The following RCL1 variants were observed in gnomAD, a reference collection of about 807,000 sequenced individuals.
RCL1 encodes the protein RNA 3'-terminal phosphate cyclase-like protein.
A neutral mutation model predicts 42.4 loss-of-function variants in RCL1; 24 were observed. The ratio of observed to expected loss-of-function variants is 0.57; its 90% CI spans 0.41 to 0.80. RCL1 has a LOEUF of 0.80. RCL1 is among the 30% of genes least tolerant of loss of function. The pLI, the probability that RCL1 is intolerant of heterozygous loss-of-function variation, is 0.00. For missense variants in RCL1, 578 were observed against 467.9 expected (o/e 1.24, Z -2.17); for synonymous variants, 228 against 177.3 (o/e 1.29, Z -2.27).
In RCL1 at chr9:4,834,191, A is replaced by T. The variant is rs747774431; in HGVS notation, c.510A>T (p.Ser170=). Residue 170 remains serine (S), a synonymous_variant, in exon 5 of 9, where the codon TCA becomes TCT. Transcript: ENST00000381750. ...PPGGGGEVVF[S]CPVRKVLKPI... The stretch of plus-strand genomic sequence containing the variant: ...GAGGAGGAGGCGAAGTGGTTTTCTC[A>T]TGTCCTGTGAGGAAGGTCTTGAAGC... 1 of 1,613,588 alleles carries T rather than the reference A, an allele frequency of 6.2e-7. No individual in the cohort carries two copies. Among genetic ancestry groups the T allele is most frequent in the Non-Finnish European group, 8.5e-7 (1 of 1,179,644 alleles).
At chr9:4,839,923 C>G in intron 5 of RCL1, 1 of 985,192 alleles carries the variant, frequency 1.0e-6, no homozygotes. Flanking sequence ...AGATTGGGAC[C>G]TCGGGCTGGG....
At chr9:4,835,575 A>T (rs1043624974) in intron 5 of RCL1, among the ~76,000 whole-genome samples, 12 of 152,372 alleles carry the variant, frequency 7.9e-5, no homozygotes, top group African/African-American at 2.9e-4. Flanking sequence ...TGATGAAGCG[A>T]GAGTCAGGGA....
intron 7 of RCL1, among the ~76,000 whole-genome samples, chr9:4,847,930 C>G (rs1335853992): frequency 6.6e-6 from 1 of 152,238 alleles, no homozygotes. Context: ...GTCCTGAGTC[C>G]TAAAGCCCTC....
Position 4,841,349 on chromosome 9 carries a change from C to A in RCL1, c.702C>A (p.Asn234Lys). The change falls in exon 6 of 9, where the codon AAC (asparagine) becomes AAA (lysine). Residue 234 changes from asparagine (N) to lysine (K), a missense_variant. Asn to Lys is a moderately conservative substitution (Grantham distance 94). Coordinates refer to ENST00000381750, the MANE Select transcript of RCL1 (RefSeq NM_005772.5). ...YIYTDHMKGV[N>K]SGKSPGFGLS... ...ACACAGATCACATGAAAGGAGTCAACTCTGGGAAGTAAGTATCTGTGTTTT... is the reference window on the plus strand; with the variant it reads ...ACACAGATCACATGAAAGGAGTCAAATCTGGGAAGTAAGTATCTGTGTTTT... 6.2e-7 allele frequency: 1 copy of A among 1,611,350 alleles called. No homozygotes were observed. Among genetic ancestry groups the A allele is most frequent in the Non-Finnish European group, 8.5e-7 (1 of 1,177,622 alleles).
chr9:4,798,132 G>A (rs1001151174), intron 1 of RCL1, among the ~76,000 whole-genome samples: 2 of 152,184 alleles, frequency 1.3e-5, no homozygotes, highest in Non-Finnish European at 2.9e-5. Context: ...GCCAGCTCCT[G>A]CCTGAAGGAC....
intron 1 of RCL1, 83 bp downstream of exon 1, chr9:4,793,310 T>A (rs1842861424): frequency 2.2e-5 from 31 of 1,392,716 alleles, no homozygotes; most frequent in Non-Finnish European, 2.9e-5. Flanking sequence ...CGCGCGGTGT[T>A]GGTTGGGCGG....
intron 1 of RCL1, among the ~76,000 whole-genome samples, chr9:4,797,823 A>T (rs1362803239): frequency 2.0e-5 from 3 of 152,160 alleles, no homozygotes; most frequent in Non-Finnish European, 4.4e-5. Flanking sequence ...AATCTCTTAA[A>T]ACTGTCCCCT....
chr9:4,824,448 T>G (rs1816692812), intron 2 of RCL1, among the ~76,000 whole-genome samples: 1 of 150,716 alleles, frequency 6.6e-6, no homozygotes, highest in Admixed American at 6.7e-5. Flanking sequence ...CAGGTCTTCC[T>G]TAATATTTCT....
At chr9:4,836,240 G>A (rs867901331) in intron 5 of RCL1, among the ~76,000 whole-genome samples, 7 of 152,176 alleles carry the variant, frequency 4.6e-5, no homozygotes, top group Admixed American at 2.0e-4. Context: ...AGTAGAGAAC[G>A]TGGGAGGACC....
rs1361462533 is a variant in RCL1 at position 4,793,052 on chromosome 9, C to T, written c.-40C>T. The stretch of plus-strand genomic sequence containing the variant: ...CGAGTCCCGCGTCTGTCCGAAGTCG[C>T]CGCTCTCGGGCTGCTCACGTCTCTT... On this transcript the variant is annotated 5_prime_UTR_variant, in exon 1 of 9. Coordinates refer to ENST00000381750, the MANE Select transcript of RCL1 (RefSeq NM_005772.5). 2.5e-6 allele frequency: 4 copies of T among 1,582,254 alleles called. No individual in the cohort carries two copies. Among genetic ancestry groups the T allele is most frequent in the Middle Eastern group, 1.8e-4 (1 of 5,466 alleles).
chr9:4,841,222 C>T lies in RCL1; in HGVS notation c.585-10C>T, dbSNP rs76643175. ...TCAAGCAGAATGACATCCTTAACTC[C>T]AGGCTGCAGGTACTCTGTACGTGTG... On this transcript the variant is annotated splice_polypyrimidine_tract_variant and intron_variant, in intron 5 of 8. Transcript: ENST00000381750. 4,471 of 1,613,850 alleles carry T rather than the reference C, an allele frequency of 2.8e-3. 117 individuals carry two copies. The African/African-American group carries it at 0.053, about 19-fold the overall frequency.
chr9:4,853,761 A>G (rs1455789277), intron 8 of RCL1, among the ~76,000 whole-genome samples: 2 of 151,826 alleles, frequency 1.3e-5, no homozygotes, highest in African/African-American at 2.4e-5. Flanking sequence ...ATCTCTTTCT[A>G]TCTTTAGTTG....
chr9:4,817,045 C>G lies in RCL1; in HGVS notation c.137-6503C>G, dbSNP rs181419027. On this transcript the variant is annotated intron_variant, in intron 1 of 8. Transcript: ENST00000381750. ...TGTTAGCCAGGATGGTCTCAATCTC[C>G]TGACCTTGTAATCCGCCTGCCTCGG... is the stretch of plus-strand genomic sequence containing the variant. Among the ~76,000 whole-genome samples the G allele has an allele frequency of 2.1e-3, 319 of 152,294 alleles. 3 individuals are homozygous for G. Among genetic ancestry groups the G allele is most frequent in the African/African-American group, 7.0e-3 (289 of 41,562 alleles).
At chr9:4,847,723 C>A (rs1043888951) in intron 7 of RCL1, among the ~76,000 whole-genome samples, 1 of 152,232 alleles carries the variant, frequency 6.6e-6, no homozygotes, top group Non-Finnish European at 1.5e-5. Context: ...GAATTCTCGA[C>A]CCATTTCGGA....
intron 1 of RCL1, among the ~76,000 whole-genome samples, chr9:4,816,862 G>T (rs557741005): frequency 4.6e-5 from 7 of 152,212 alleles, no homozygotes; most frequent in African/African-American, 1.7e-4. Context: ...TGTCGTCCAG[G>T]CCGGAGTGCA....
At chr9:4,849,589 G>A (rs878927565) in intron 8 of RCL1, 39 bp downstream of exon 8, 2 of 1,493,196 alleles carry the variant, frequency 1.3e-6, no homozygotes, top group East Asian at 2.3e-5. Context: ...TCTGTCCAGT[G>A]TAATTTTCTC....
At chr9:4,843,774 G>C (rs1163847034) in intron 6 of RCL1, among the ~76,000 whole-genome samples, 1 of 152,084 alleles carries the variant, frequency 6.6e-6, no homozygotes, top group Admixed American at 6.5e-5. Flanking sequence ...CTTCACTTTT[G>C]TATGCCACTG....
intron 1 of RCL1, among the ~76,000 whole-genome samples, chr9:4,808,089 T>A (rs567273617): frequency 5.9e-5 from 9 of 152,232 alleles, no homozygotes; most frequent in African/African-American, 2.2e-4. Context: ...TGGTGCTGAG[T>A]TCTTCTTTGT....
chr9:4,812,973 C>A (rs1479757331), intron 1 of RCL1, among the ~76,000 whole-genome samples: 1 of 152,068 alleles, frequency 6.6e-6, no homozygotes, highest in Non-Finnish European at 1.5e-5. Context: ...CATGGCAGTA[C>A]TTTAAGAGTT....
Sources: gnomAD v4.1 joint callset for allele counts (sites outside exome capture counted in the v4.1 genomes callset) on GRCh38, gnomAD v4.1.1 for gene constraint, MANE v1.5 for transcripts, NCBI Gene and HGNC (gene_info 2026-07-23, HGNC 2026-07-21) for gene names.